LZIC: variants seen among roughly 807,000 people sequenced by gnomAD.
LZIC encodes protein LZIC.
Under a neutral mutation model 25.4 loss-of-function variants are expected in LZIC, and 28 were observed. The ratio of observed to expected loss-of-function variants is 1.10; its 90% confidence interval spans 0.82 to 1.51. The LOEUF (loss-of-function observed/expected upper bound fraction) is 1.51, where lower values mean the gene tolerates loss of function less well. LZIC is among the 40% of genes most tolerant of loss of function. LZIC has a pLI of 0.00. For synonymous variants in LZIC, 65 were observed against 70.7 expected (o/e 0.92, Z 0.40); for missense variants, 170 against 211.1 (o/e 0.81, Z 1.21).
At chr1:9,934,238 A>C (rs1266919655) in intron 5 of LZIC, among the ~76,000 whole-genome samples, 5 of 152,026 alleles carry the variant, frequency 3.3e-5, no homozygotes, top group Admixed American at 1.3e-4. Context: ...AAAAAAAAAA[A>C]AAAACATAAA....
intron 6 of LZIC, among the ~76,000 whole-genome samples, chr1:9,932,345 C>CA (rs1209948675): frequency 0.046 from 3,903 of 85,050 alleles, 66 homozygotes; most frequent in Non-Finnish European, 0.064. Context: ...AACTCCGTCT[C>CA]AAAAAAAAAA....
chr1:9,939,075 A>C (rs1448983498), intron 2 of LZIC, among the ~76,000 whole-genome samples: 1 of 151,976 alleles, frequency 6.6e-6, no homozygotes, highest in Non-Finnish European at 1.5e-5. Flanking sequence ...TCTGTTCCTA[A>C]GGAATCACTT....
intron 7 of LZIC, among the ~76,000 whole-genome samples, chr1:9,931,250 TTTTG>T (rs1267621814): frequency 5.9e-5 from 9 of 151,770 alleles, no homozygotes; most frequent in Non-Finnish European, 8.8e-5. Context: ...TTCTTTTTAA[TTTTG>T]TTTATTTATT....
intron 5 of LZIC, among the ~76,000 whole-genome samples, chr1:9,933,605 G>T (rs562217923): frequency 6.6e-6 from 1 of 152,018 alleles, no homozygotes; most frequent in Non-Finnish European, 1.5e-5. Flanking sequence ...CAAAGGGGAT[G>T]AATAAAATAA....
At chr1:9,936,856 C>T (rs899801642) in intron 2 of LZIC, among the ~76,000 whole-genome samples, 1 of 152,174 alleles carries the variant, frequency 6.6e-6, no homozygotes, top group Non-Finnish European at 1.5e-5. Context: ...TGCGGCCAGG[C>T]GCCGGTGGCT....
chr1:9,931,823 T>C, intron 7 of LZIC, 68 bp downstream of exon 7: 1 of 1,000,316 alleles, frequency 1.0e-6, no homozygotes, highest in Non-Finnish European at 1.5e-6. Context: ...AACCACACTC[T>C]CCATCAGTTT....
chr1:9,922,221 TC>T, downstream of LZIC: 1 of 891,668 alleles, frequency 1.1e-6, no homozygotes, highest in Non-Finnish European at 1.3e-6. Context: ...CTTGGGTTCA[TC>T]CTTTGCTTCC....
chr1:9,932,782 T>C, intron 6 of LZIC, 21 bp downstream of exon 6: 12 of 1,375,986 alleles, frequency 8.7e-6, no homozygotes, highest in Non-Finnish European at 1.2e-5. Context: ...TCTTTGTAAC[T>C]AATATATTAA....
Position 9,928,911 on chromosome 1 carries a change from G to C in LZIC, c.*1488C>G, listed in dbSNP as rs1359278324. On this transcript the variant is annotated 3_prime_UTR_variant, in exon 8 of 8. Coordinates refer to ENST00000377223, the MANE Select transcript of LZIC (RefSeq NM_032368.5). The stretch of plus-strand genomic sequence containing the variant: ...AAAGAAAATATTATGCTAAGTGAAA[G>C]AAGCCAGATACATAAAAAGGTCACA... 6.7e-6 allele frequency: 1 copy of C among 149,798 alleles called. No individual in the cohort carries two copies. Among genetic ancestry groups the C allele is most frequent in the Admixed American group, 6.7e-5 (1 of 15,002 alleles). 9.3% of individuals were successfully genotyped at this position (149,798 alleles called of 1,614,324 possible). A position where few individuals can be genotyped will look rare whatever the true frequency, so the allele number is the denominator to read the frequency against.
At chr1:9,938,498 T>C (rs1265406995) in intron 2 of LZIC, among the ~76,000 whole-genome samples, 1 of 152,154 alleles carries the variant, frequency 6.6e-6, no homozygotes, top group Non-Finnish European at 1.5e-5. Flanking sequence ...TCTTTGGAAA[T>C]GTGACCATCT....
At chr1:9,939,944 C>T (rs1323965099) in intron 2 of LZIC, among the ~76,000 whole-genome samples, 1 of 151,980 alleles carries the variant, frequency 6.6e-6, no homozygotes, top group Non-Finnish European at 1.5e-5. Flanking sequence ...CACGGCGAAA[C>T]CCCGTCTCTA....
At chr1:9,934,913 T>C (rs1410050550) in intron 4 of LZIC, 53 bp from the exon 5 acceptor site, 4 of 1,255,050 alleles carry the variant, frequency 3.2e-6, no homozygotes, top group Non-Finnish European at 4.7e-6. Flanking sequence ...AAATCAGATA[T>C]TGCAATAACT....
At chr1:9,931,678 T>C (rs1401001995) in intron 7 of LZIC, among the ~76,000 whole-genome samples, 1 of 152,232 alleles carries the variant, frequency 6.6e-6, no homozygotes, top group Non-Finnish European at 1.5e-5. Context: ...TACGTCTACC[T>C]GACAAGTATT....
At chr1:9,924,389 C>G (rs937741959), downstream of LZIC, among the ~76,000 whole-genome samples, 2 of 152,018 alleles carry the variant, frequency 1.3e-5, no homozygotes, top group African/African-American at 4.8e-5. Context: ...GAGTCTTGCT[C>G]TGTCACCCAG....
intron 4 of LZIC, 88 bp downstream of exon 4, chr1:9,935,404 G>A: frequency 7.1e-7 from 1 of 1,405,708 alleles, no homozygotes; most frequent in South Asian, 1.4e-5. Flanking sequence ...CTCCAGCCTG[G>A]GCGACAGAGT....
At chr1:9,930,676 C>G (rs1257784084) in intron 7 of LZIC, among the ~76,000 whole-genome samples, 1 of 151,150 alleles carries the variant, frequency 6.6e-6, no homozygotes, top group South Asian at 2.1e-4. Flanking sequence ...AGTTATAAAT[C>G]CTTATTCTAG....
chr1:9,929,155 T>A lies in LZIC; in HGVS notation c.*1244A>T. ...AATGTTCTGCCAACGAATGGTACAC[T>A]TTAAAATGGTGAATTTTATGATATA... is the stretch of plus-strand genomic sequence containing the variant. On this transcript the variant is annotated 3_prime_UTR_variant, in exon 8 of 8. Transcript: ENST00000377223. 1 of 288,588 alleles carries A rather than the reference T, an allele frequency of 3.5e-6. No individual in the cohort carries two copies. The highest frequency in any genetic ancestry group is 5.2e-6 in the Non-Finnish European group (1 of 192,930). The allele number at this position is 288,588 out of a possible 1,614,324, so 17.9% of individuals were successfully genotyped here. A position where few individuals can be genotyped will look rare whatever the true frequency, so the allele number is the denominator to read the frequency against.
In LZIC at chr1:9,934,809, A is replaced by G. The variant is rs1640381714; in HGVS notation, c.289T>C (p.Leu97=). Residue 97 remains leucine (L), a synonymous_variant, in exon 5 of 8, where the codon TTG becomes CTG. Transcript: ENST00000377223. ...QAFKTPEVIR[L]FAKKQPGQLR... is the part of the protein sequence containing the mutation. ...TGACCTGGTTGTTTCTTTGCAAACA[A>G]TCTGATGACCTCTGGGGTTTTAAAG... The G allele has an allele frequency of 1.2e-6, 2 of 1,614,068 alleles. No homozygotes were observed. The highest frequency in any genetic ancestry group is 1.7e-6 in the Non-Finnish European group (2 of 1,180,036).
chr1:9,935,330 A>C (rs1271530462), intron 4 of LZIC, among the ~76,000 whole-genome samples, 162 bp downstream of exon 4: 1 of 152,190 alleles, frequency 6.6e-6, no homozygotes, highest in Non-Finnish European at 1.5e-5. Context: ...CAGGAGGCTG[A>C]GTAAGGAGAA....
Sources: allele counts gnomAD v4.1 joint callset (sites outside exome capture counted in the v4.1 genomes callset), GRCh38; gene constraint gnomAD v4.1.1; transcripts MANE v1.5; gene names NCBI Gene and HGNC (gene_info 2026-07-23, HGNC 2026-07-21).